The following GNAL variants were observed in gnomAD, a reference collection of about 807,000 sequenced individuals.
The protein encoded by GNAL is G protein subunit alpha L.
A neutral mutation model predicts 55.1 loss-of-function variants in GNAL; 18 were observed. The observed-to-expected ratio is 0.33, with a 90% CI of 0.23 to 0.48. The LOEUF is 0.48. GNAL is among the 20% of genes least tolerant of loss of function. The pLI is 0.99. For synonymous variants in GNAL, 253 were observed against 237.0 expected, an observed-to-expected ratio of 1.07 and a Z score of -0.62; for missense variants, 412 against 614.1, an observed-to-expected ratio of 0.67 and a Z score of 3.48.
chr18:11,709,308 AG>A (rs995458362), intron 1 of GNAL, among the ~76,000 whole-genome samples: 80 of 143,868 alleles, frequency 5.6e-4, no homozygotes, highest in African/African-American at 2.0e-3. Context: ...TCTGAGTTTT[AG>A]GACTGTTTTC....
intron 4 of GNAL, among the ~76,000 whole-genome samples, chr18:11,790,035 G>A (rs940794507): frequency 6.6e-6 from 1 of 152,236 alleles, no homozygotes; most frequent in Non-Finnish European, 1.5e-5. Flanking sequence ...AGGAAGTAAA[G>A]GCTTAAGCTT....
intron 4 of GNAL, among the ~76,000 whole-genome samples, chr18:11,769,784 T>G (rs762361612): frequency 6.6e-6 from 1 of 152,198 alleles, no homozygotes; most frequent in Admixed American, 6.5e-5. Flanking sequence ...GGAGGTAAAA[T>G]GATCCTTACT....
rs143599871 is a variant in GNAL, at chr18:11,721,316, C to G, written c.376+31377C>G. 5.6e-3 allele frequency among the ~76,000 whole-genome samples: 854 copies of G among 152,302 alleles called. 6 individuals are homozygous for G. The highest frequency in any genetic ancestry group is 0.019 in the African/African-American group (808 of 41,564). The stretch of plus-strand genomic sequence containing the variant: ...ATAAATAACAATGGGATTTTAAAAC[C>G]TTACATTTAACAAGCTTTGTAAATT... On this transcript the variant is annotated intron_variant, in intron 1 of 11. Transcript: ENST00000334049.
At chr18:11,832,630 G>A (rs902649506) in intron 5 of GNAL, among the ~76,000 whole-genome samples, 6 of 152,172 alleles carry the variant, frequency 3.9e-5, no homozygotes, top group Admixed American at 3.3e-4. Flanking sequence ...GGCCGAGGTG[G>A]GCTAATCACC....
intron 1 of GNAL, among the ~76,000 whole-genome samples, chr18:11,691,142 G>A (rs2031234936): frequency 6.6e-6 from 1 of 151,734 alleles, no homozygotes; most frequent in Non-Finnish European, 1.5e-5. Context: ...ACTTTTTAAT[G>A]ATTGCCATTC....
intron 4 of GNAL, among the ~76,000 whole-genome samples, chr18:11,811,091 G>A (rs968154685): frequency 1.3e-5 from 2 of 152,026 alleles, no homozygotes; most frequent in Admixed American, 6.5e-5. Context: ...TTGCTCCCCT[G>A]CCCCACCATT....
chr18:11,792,066 T>C (rs1011582023), intron 4 of GNAL, among the ~76,000 whole-genome samples: 3 of 152,230 alleles, frequency 2.0e-5, no homozygotes, highest in African/African-American at 7.2e-5. Flanking sequence ...GTCCTGAAAC[T>C]GAGCAACCTC....
chr18:11,699,566 G>C (rs564225562), intron 1 of GNAL, among the ~76,000 whole-genome samples: 1 of 151,494 alleles, frequency 6.6e-6, no homozygotes, highest in East Asian at 1.9e-4. Context: ...TGAGGGGGGG[G>C]GTTGGCTTTA....
intron 1 of GNAL, among the ~76,000 whole-genome samples, chr18:11,739,258 T>C (rs2032524013): frequency 6.6e-6 from 1 of 152,220 alleles, no homozygotes; most frequent in Admixed American, 6.5e-5. Flanking sequence ...CTCACCCAGG[T>C]TCGCCTCTTG....
chr18:11,868,929 C>G lies in GNAL; in HGVS notation c.1031+266C>G, dbSNP rs917669048. 6.6e-6 allele frequency among the ~76,000 whole-genome samples: 1 copy of G among 151,946 alleles called. No individual in the cohort carries two copies. Among genetic ancestry groups the G allele is most frequent in the Non-Finnish European group, 1.5e-5 (1 of 68,004 alleles). ...GCTTGAGGTAGGGGGATCACTTGAG[C>G]CCAGGAGGTAAGGGTTGCAATGAGC... On this transcript the variant is annotated intron_variant, in intron 9 of 11. Transcript: ENST00000334049. This position sits in a 1 kb window ranked among gnomAD's most constrained non-coding sequence, Gnocchi z 4.0.
At chr18:11,821,745 G>A (rs571689401) in intron 4 of GNAL, among the ~76,000 whole-genome samples, 347 of 152,346 alleles carry the variant, frequency 2.3e-3, no homozygotes, top group Non-Finnish European at 3.4e-3. Flanking sequence ...GGCAGGTGGG[G>A]CGGTGATACT....
At chr18:11,755,077 T>C (rs1213942287) in intron 4 of GNAL, among the ~76,000 whole-genome samples, 1 of 151,874 alleles carries the variant, frequency 6.6e-6, no homozygotes, top group Non-Finnish European at 1.5e-5. Context: ...TTGCCTGGCA[T>C]GGTGGTTTGG....
At chr18:11,796,404 C>T (rs766316001) in intron 4 of GNAL, among the ~76,000 whole-genome samples, 1 of 151,800 alleles carries the variant, frequency 6.6e-6, no homozygotes, top group African/African-American at 2.4e-5. Flanking sequence ...GGTGAAACCC[C>T]GTCTCTACTA....
intron 5 of GNAL, among the ~76,000 whole-genome samples, chr18:11,862,060 A>G (rs1261352579): frequency 6.6e-6 from 1 of 151,722 alleles, no homozygotes; most frequent in Non-Finnish European, 1.5e-5. Flanking sequence ...ATTGCAACAC[A>G]TTCTTGTACT....
intron 1 of GNAL, among the ~76,000 whole-genome samples, chr18:11,736,136 T>A (rs1456428961): frequency 6.6e-6 from 1 of 152,200 alleles, no homozygotes; most frequent in East Asian, 1.9e-4. Flanking sequence ...GTGGTTCACA[T>A]GTAATTCCAA....
chr18:11,855,642 T>C (rs904556469), intron 5 of GNAL, among the ~76,000 whole-genome samples: 1 of 152,182 alleles, frequency 6.6e-6, no homozygotes, highest in African/African-American at 2.4e-5. Context: ...CCATGAGGTT[T>C]GGACACTGTG....
intron 5 of GNAL, among the ~76,000 whole-genome samples, chr18:11,831,922 T>G (rs2035392054): frequency 6.7e-6 from 1 of 149,472 alleles, no homozygotes; most frequent in Non-Finnish European, 1.5e-5. Context: ...GTGAGAATAA[T>G]TATTATCACT....
At chr18:11,826,595 T>C (rs2143660899) in intron 5 of GNAL, among the ~76,000 whole-genome samples, 1 of 152,056 alleles carries the variant, frequency 6.6e-6, no homozygotes, top group Admixed American at 6.5e-5. Flanking sequence ...TGGGGTGCCT[T>C]GGGTTGGGCT....
chr18:11,708,654 A>G (rs996579457), intron 1 of GNAL, among the ~76,000 whole-genome samples: 2 of 152,264 alleles, frequency 1.3e-5, no homozygotes, highest in Non-Finnish European at 2.9e-5. Flanking sequence ...GTAAATTTGT[A>G]TAAATGCAAT....
Sources: gnomAD v4.1 joint callset for allele counts (sites outside exome capture counted in the v4.1 genomes callset) on GRCh38, gnomAD v4.1.1 for gene constraint, Gnocchi (gnomAD v3.1) non-coding constraint, MANE v1.5 for transcripts, NCBI Gene and HGNC (gene_info 2026-07-23, HGNC 2026-07-21) for gene names.